BYSL: variants seen among roughly 807,000 people sequenced by gnomAD.
The protein encoded by BYSL is bystin like.
BYSL carries 21 observed loss-of-function variants against 45.4 expected under a neutral mutation model. The ratio of observed to expected loss-of-function variants is 0.46; its 90% CI spans 0.33 to 0.67. The LOEUF (loss-of-function observed/expected upper bound fraction) is 0.67, where lower values mean the gene tolerates loss of function less well. BYSL is among the 30% of genes least tolerant of loss of function. The pLI, the probability that BYSL is intolerant of heterozygous loss-of-function variation, is 0.02. For missense variants in BYSL, 522 were observed against 578.5 expected, an observed-to-expected ratio of 0.90 and a Z score of 1.00; for synonymous variants, 215 against 231.3, an observed-to-expected ratio of 0.93 and a Z score of 0.64.
At chr6:41,929,272 G>A (rs550239147) in intron 2 of BYSL, among the ~76,000 whole-genome samples, 26 of 152,246 alleles carry the variant, frequency 1.7e-4, no homozygotes, top group Admixed American at 5.9e-4. Flanking sequence ...ACTTTGGGAC[G>A]CCAAGGCAGG....
rs768000616 is a variant in BYSL, at chr6:41,932,539, C to A, written c.1147C>A (p.Leu383Met). Residue 383 changes from leucine (L) to methionine (M), a missense_variant, in exon 7 of 7, where the codon CTG becomes ATG. Coordinates refer to ENST00000230340, the MANE Select transcript of BYSL (RefSeq NM_004053.4). This position sits in a 1 kb window ranked among gnomAD's most constrained non-coding sequence, Gnocchi z 4.7. ...GCCTGTGCTGTGGCACCAGTGCCTC[C>A]TGACTTTGGTCCAGCGCTACAAGGC... Reference protein sequence around the residue: ...ELPVLWHQCLLTLVQRYKADL... With the variant: ...ELPVLWHQCLMTLVQRYKADL... The A allele has an allele frequency of 1.3e-5, 21 of 1,614,224 alleles. No individual in the cohort carries two copies. Among genetic ancestry groups the A allele is most frequent in the Non-Finnish European group, 1.8e-5 (21 of 1,180,040 alleles).
At chr6:41,915,293 A>T in the BYSL span, among the ~76,000 whole-genome samples, 1 of 151,992 alleles carries the variant, frequency 6.6e-6, no homozygotes, top group South Asian at 2.1e-4. Context: ...TTTGAGATCA[A>T]TTTGGGCAGC....
chr6:41,910,064 C>T, the BYSL span, among the ~76,000 whole-genome samples: 1 of 152,016 alleles, frequency 6.6e-6, no homozygotes, highest in Non-Finnish European at 1.5e-5. Flanking sequence ...TAGATGGGAT[C>T]CAAGCTGTGA....
chr6:41,932,646 G>C lies in BYSL; in HGVS notation c.1254G>C (p.Arg418Ser). 6.2e-7 allele frequency: 1 copy of C among 1,614,218 alleles called. No homozygotes were observed. Among genetic ancestry groups the C allele is most frequent in the East Asian group, 2.2e-5 (1 of 44,884 alleles). ...QPHPQLSPEI[R>S]RELQSAVPRD... Reference sequence around the variant, plus strand: ...ATCCACAGCTATCGCCCGAAATCAGGCGTGAGCTTCAGAGTGCAGTCCCCC... The same window carrying C: ...ATCCACAGCTATCGCCCGAAATCAGCCGTGAGCTTCAGAGTGCAGTCCCCC... Residue 418 changes from arginine to serine, a missense_variant, in exon 7 of 7, where the codon AGG (arginine) becomes AGC (serine). Coordinates refer to ENST00000230340, the MANE Select transcript of BYSL (RefSeq NM_004053.4). The surrounding 1 kb of genome is among the most constrained non-coding windows in gnomAD (Gnocchi z 4.7).
chr6:41,929,354 T>C (rs1272560332), intron 2 of BYSL, among the ~76,000 whole-genome samples: 1 of 152,166 alleles, frequency 6.6e-6, no homozygotes, highest in Non-Finnish European at 1.5e-5. Context: ...AAAAACTAGC[T>C]GGGCCTTGTA....
chr6:41,928,037 C>T (rs1300731046), intron 2 of BYSL, among the ~76,000 whole-genome samples: 2 of 152,154 alleles, frequency 1.3e-5, no homozygotes, highest in Admixed American at 6.5e-5. Flanking sequence ...CAGTAGCAAC[C>T]TTCCCCCAGT....
At chr6:41,916,741 C>T, upstream of BYSL, 2 of 1,608,588 alleles carry the variant, frequency 1.2e-6, no homozygotes, top group Non-Finnish European at 1.7e-6. Context: ...TGTCTCTTAA[C>T]TCCAAGCCTG....
intron 1 of BYSL, among the ~76,000 whole-genome samples, chr6:41,925,690 AT>A (rs1554153164): frequency 4.5e-5 from 6 of 132,008 alleles, no homozygotes; most frequent in Non-Finnish European, 9.7e-5. Flanking sequence ...TTATTTATTT[AT>A]TTTTTTGAGA....
intron 1 of BYSL, among the ~76,000 whole-genome samples, chr6:41,925,163 A>C (rs1354645671): frequency 6.6e-6 from 1 of 152,168 alleles, no homozygotes; most frequent in Non-Finnish European, 1.5e-5. Flanking sequence ...CCACCTACAA[A>C]GTACAAATTT....
rs532447259 is a variant in BYSL, at chr6:41,929,402, G to T, written c.432-730G>T. On this transcript the variant is annotated intron_variant, in intron 2 of 6. Coordinates refer to ENST00000230340, the MANE Select transcript of BYSL (RefSeq NM_004053.4). Reference sequence around the variant, plus strand: ...GGTCCCAGCTACTCGAGAGACTGAGGCGGGAAGATCGCTTGAGCCAGAGAG... The same window carrying T: ...GGTCCCAGCTACTCGAGAGACTGAGTCGGGAAGATCGCTTGAGCCAGAGAG... Among the ~76,000 whole-genome samples the T allele has an allele frequency of 2.6e-5, 4 of 152,302 alleles. No individual in the cohort carries two copies. The South Asian group carries it at 8.3e-4, about 32-fold the overall frequency.
intron 1 of BYSL, among the ~76,000 whole-genome samples, chr6:41,926,605 C>G (rs1561944072): frequency 6.6e-6 from 1 of 151,562 alleles, no homozygotes; most frequent in Non-Finnish European, 1.5e-5. Flanking sequence ...CGCCCACCAC[C>G]ACGCCCAGCT....
chr6:41,923,879 G>T (rs1041083153), intron 1 of BYSL, among the ~76,000 whole-genome samples: 2 of 152,030 alleles, frequency 1.3e-5, no homozygotes, highest in African/African-American at 4.8e-5. Context: ...AGGCTTCATT[G>T]TGCCTTAAAC....
the BYSL span, among the ~76,000 whole-genome samples, chr6:41,913,252 A>G: frequency 6.6e-6 from 1 of 152,174 alleles, no homozygotes; most frequent in African/African-American, 2.4e-5. Context: ...CAAGTGTGAG[A>G]ATCACTGATC....
Position 41,921,740 on chromosome 6 carries a change from C to T in BYSL, c.178C>T (p.Gln60Ter), listed in dbSNP as rs1184323078. 1 of 1,613,506 alleles carries T rather than the reference C, an allele frequency of 6.2e-7. No individual in the cohort carries two copies. Among genetic ancestry groups the T allele is most frequent in the East Asian group, 2.2e-5 (1 of 44,846 alleles). The change falls in exon 1 of 7, where the codon CAG (glutamine) becomes TAG (stop). Residue 60 changes from glutamine to a stop codon, truncating the protein, a stop_gained. Coordinates refer to ENST00000230340, the MANE Select transcript of BYSL (RefSeq NM_004053.4). LOFTEE classifies it high-confidence loss of function. The stretch of plus-strand genomic sequence containing the variant: ...GCCCCGGCTGAGCCGACGGATTTTG[C>T]AGCAAGCACGGCAGCAACAGGAGGA... ...VGPRLSRRIL[Q>*]QARQQQEELE...
Position 41,930,595 on chromosome 6 carries a change from A to G in BYSL, c.571-40A>G, listed in dbSNP as rs377545726. The G allele has an allele frequency of 1.3e-4, 206 of 1,580,134 alleles. 1 individual carries two copies. In the East Asian group the frequency reaches 2.2e-3, roughly 17 times the overall value. The stretch of plus-strand genomic sequence containing the variant: ...TCCTAGCCCACAGCAAGCTTGCCAT[A>G]TGTGGATGACGATGATTGTTTTACC... On this transcript the variant is annotated intron_variant, in intron 3 of 6. Transcript: ENST00000230340.
chr6:41,911,363 C>T, the BYSL span, among the ~76,000 whole-genome samples: 4 of 151,886 alleles, frequency 2.6e-5, no homozygotes, highest in African/African-American at 9.7e-5. Flanking sequence ...GTTGGCCAGG[C>T]TGGTCTTGAA....
chr6:41,911,916 A>C, the BYSL span, among the ~76,000 whole-genome samples: 1 of 152,182 alleles, frequency 6.6e-6, no homozygotes, highest in African/African-American at 2.4e-5. Flanking sequence ...CTGTAATTGC[A>C]TACTTTATTC....
chr6:41,929,837 G>A (rs1341793457), intron 2 of BYSL, among the ~76,000 whole-genome samples: 1 of 152,212 alleles, frequency 6.6e-6, no homozygotes, highest in African/African-American at 2.4e-5. Context: ...CAGGGAGTGG[G>A]TGAGCCAGGA....
chr6:41,921,797 C>CCCGCGGCG lies in BYSL; in HGVS notation c.242_249dup (p.Glu84ArgfsTer34). The CCCGCGGCG allele has an allele frequency of 6.2e-7, 1 of 1,612,256 alleles. No individual in the cohort carries two copies. The highest frequency in any genetic ancestry group is 1.1e-5 in the South Asian group (1 of 90,998). ...GGCCGAGCATGGGACTGGGGACAAG[C>CCCGCGGCG]CCGCGGCGCCGCGGGAACGCACCAC... On this transcript the variant is annotated frameshift_variant, in exon 1 of 7. Coordinates refer to ENST00000230340, the MANE Select transcript of BYSL (RefSeq NM_004053.4). LOFTEE classifies it high-confidence loss of function.
Sources: allele counts gnomAD v4.1 joint callset (sites outside exome capture counted in the v4.1 genomes callset), GRCh38; gene constraint gnomAD v4.1.1; non-coding constraint Gnocchi (gnomAD v3.1); transcripts MANE v1.5; gene names NCBI Gene and HGNC (gene_info 2026-07-23, HGNC 2026-07-21).